Variants in RHOU observed in about 807,000 individuals in gnomAD.
The protein encoded by RHOU is rho-related GTP-binding protein RhoU.
In RHOU, 8 loss-of-function variants were observed where a neutral mutation model predicts 12.6. The ratio of observed to expected loss-of-function variants is 0.64; its 90% CI spans 0.37 to 1.15. The LOEUF (loss-of-function observed/expected upper bound fraction) is 1.15. Among genes scored for constraint, RHOU ranks in the 50% most tolerant of loss-of-function variants. RHOU has a pLI of 0.01. For synonymous variants in RHOU, 161 were observed against 147.4 expected, an observed-to-expected ratio of 1.09 and a Z score of -0.67; for missense variants, 258 against 347.0, an observed-to-expected ratio of 0.74 and a Z score of 2.04.
the RHOU span, among the ~76,000 whole-genome samples, chr1:228,694,672 A>G: frequency 6.6e-6 from 1 of 152,168 alleles, no homozygotes; most frequent in Non-Finnish European, 1.5e-5. Flanking sequence ...TTATGGCTGC[A>G]TAGTATTCTA....
chr1:228,702,480 G>A, the RHOU span, among the ~76,000 whole-genome samples: 17 of 152,298 alleles, frequency 1.1e-4, no homozygotes. Flanking sequence ...ACTGTGCCCT[G>A]TAGGTGGTGA....
At chr1:228,647,174 C>G in the RHOU span, among the ~76,000 whole-genome samples, 116 of 152,296 alleles carry the variant, frequency 7.6e-4, no homozygotes, top group African/African-American at 1.5e-3. Context: ...CCAGGCGGCC[C>G]GTGCGAGAGG....
At chr1:228,660,412 T>C in the RHOU span, among the ~76,000 whole-genome samples, 1 of 151,650 alleles carries the variant, frequency 6.6e-6, no homozygotes, top group African/African-American at 2.4e-5. Flanking sequence ...TAACTAATAT[T>C]AATCCTTCTT....
chr1:228,650,656 C>G, the RHOU span: 10 of 475,758 alleles, frequency 2.1e-5, 1 homozygote, highest in South Asian at 1.2e-4. Flanking sequence ...GGATGTAAAA[C>G]TCGTTTCACT....
chr1:228,703,527 GAA>G, the RHOU span, among the ~76,000 whole-genome samples: 2 of 146,798 alleles, frequency 1.4e-5, no homozygotes, highest in Admixed American at 6.8e-5. Context: ...CTCCATCTCT[GAA>G]AAAAAAAAAG....
the RHOU span, chr1:228,652,614 T>A: frequency 6.6e-6 from 1 of 152,144 alleles, no homozygotes; most frequent in Non-Finnish European, 1.5e-5. Context: ...CTTTCTTTTT[T>A]AAAAAAAATT....
the RHOU span, among the ~76,000 whole-genome samples, chr1:228,647,112 T>G: frequency 2.0e-5 from 3 of 152,164 alleles, no homozygotes; most frequent in African/African-American, 7.2e-5. Flanking sequence ...AGCCCCCTTT[T>G]GAGCAGTCCG....
the RHOU span, among the ~76,000 whole-genome samples, chr1:228,659,571 G>GT: frequency 2.4e-4 from 36 of 150,520 alleles, no homozygotes; most frequent in East Asian, 1.4e-3. Context: ...CCAAAAGCTG[G>GT]TTTTTTTTTA....
the RHOU span, among the ~76,000 whole-genome samples, chr1:228,707,255 A>ATATACAT: frequency 1.2e-4 from 5 of 40,710 alleles, no homozygotes; most frequent in African/African-American, 5.4e-4. Context: ...ATATATATAT[A>ATATACAT]GTGTGTGTGT....
the RHOU span, among the ~76,000 whole-genome samples, chr1:228,672,894 A>G: frequency 6.6e-6 from 1 of 152,136 alleles, no homozygotes; most frequent in African/African-American, 2.4e-5. Context: ...TTTCAGGCAG[A>G]TTACTTCTTA....
Position 228,746,601 on chromosome 1 carries a change from A to G in RHOU, c.*2861A>G, listed in dbSNP as rs1662838744. 1 of 152,202 alleles carries G rather than the reference A, an allele frequency of 6.6e-6. No homozygotes were observed. The highest frequency in any genetic ancestry group is 1.5e-5 in the Non-Finnish European group (1 of 68,036). 9.4% of individuals were successfully genotyped at this position (152,202 alleles called of 1,614,324 possible). ...CTGTTTTCAAGTGTAAATGATGTTG[A>G]GCAGAATGTTGTACTTGAAAATGCT... On this transcript the variant is annotated 3_prime_UTR_variant, in exon 3 of 3. Transcript: ENST00000366691.
At chr1:228,660,130 G>T in the RHOU span, among the ~76,000 whole-genome samples, 1 of 151,840 alleles carries the variant, frequency 6.6e-6, no homozygotes, top group Non-Finnish European at 1.5e-5. Context: ...CTCCAGCCTG[G>T]GTGACAGATG....
At chr1:228,695,312 T>C in the RHOU span, among the ~76,000 whole-genome samples, 1 of 152,174 alleles carries the variant, frequency 6.6e-6, no homozygotes, top group Admixed American at 6.5e-5. Flanking sequence ...AACTGTTTTT[T>C]TCTCTGATCT....
Position 228,746,097 on chromosome 1 carries a change from G to A in RHOU, c.*2357G>A, listed in dbSNP as rs937459452. On this transcript the variant is annotated 3_prime_UTR_variant, in exon 3 of 3. Coordinates refer to ENST00000366691, the MANE Select transcript of RHOU (RefSeq NM_021205.6). ...ACTGTTAGTGTTAAAAATCTAGTGG[G>A]TTGACCTTTAAATGCAACAGTTTTT... 2.6e-5 allele frequency: 4 copies of A among 152,186 alleles called. No individual in the cohort carries two copies. The highest frequency in any genetic ancestry group is 7.2e-5 in the African/African-American group (3 of 41,428). The allele number at this position is 152,186 out of a possible 1,614,324, so 9.4% of individuals were successfully genotyped here. A position where few individuals can be genotyped will look rare whatever the true frequency, so the allele number is the denominator to read the frequency against.
At chr1:228,673,502 G>A in the RHOU span, among the ~76,000 whole-genome samples, 1 of 152,142 alleles carries the variant, frequency 6.6e-6, no homozygotes, top group African/African-American at 2.4e-5. Context: ...CCCAGTATCG[G>A]AGGAGGGACC....
the RHOU span, among the ~76,000 whole-genome samples, chr1:228,694,943 G>T: frequency 6.6e-6 from 1 of 151,988 alleles, no homozygotes; most frequent in African/African-American, 2.4e-5. Context: ...AACAATAGGA[G>T]GAATATAAAT....
the RHOU span, among the ~76,000 whole-genome samples, chr1:228,725,634 T>G: frequency 1.3e-5 from 2 of 152,216 alleles, no homozygotes; most frequent in Non-Finnish European, 2.9e-5. Context: ...GGCCTTTCCA[T>G]GGTCTTTGCC....
chr1:228,715,557 G>T, the RHOU span, among the ~76,000 whole-genome samples: 2 of 152,034 alleles, frequency 1.3e-5, no homozygotes, highest in Non-Finnish European at 2.9e-5. Context: ...TTTTCTTTAT[G>T]ACCTGACATA....
the RHOU span, among the ~76,000 whole-genome samples, chr1:228,697,560 G>T: frequency 6.6e-6 from 1 of 152,146 alleles, no homozygotes; most frequent in Non-Finnish European, 1.5e-5. Flanking sequence ...AGATTAAAAT[G>T]CTGAAATAGG....
Sources: gnomAD v4.1 joint callset for allele counts (sites outside exome capture counted in the v4.1 genomes callset) on GRCh38, gnomAD v4.1.1 for gene constraint, MANE v1.5 for transcripts, NCBI Gene and HGNC (gene_info 2026-07-23, HGNC 2026-07-21) for gene names.